The following INTS7 variants were observed in gnomAD, a reference collection of about 807,000 sequenced individuals.
The protein encoded by INTS7 is integrator complex subunit 7, also known as chromosome 1 open reading frame 73.
A neutral mutation model predicts 109.2 loss-of-function variants in INTS7; 46 were observed. That is an observed-to-expected ratio of 0.42 (90% CI 0.33 to 0.54). INTS7 has a LOEUF of 0.54. Ranked by LOEUF, INTS7 falls within the 20% of genes least tolerant of loss-of-function variation. The pLI, the probability that INTS7 is intolerant of heterozygous loss-of-function variation, is 0.07. For missense variants in INTS7, 929 were observed against 1,132.4 expected (o/e 0.82, Z 2.58); for synonymous variants, 412 against 402.9 (o/e 1.02, Z -0.27).
At chr1:212,034,541 G>T (rs902809046) in intron 1 of INTS7, among the ~76,000 whole-genome samples, 4 of 152,118 alleles carry the variant, frequency 2.6e-5, no homozygotes, top group Admixed American at 6.5e-5. Flanking sequence ...TGAAATAAAG[G>T]TTTCATATTA....
At chr1:211,985,580 T>C (rs1469837942) in intron 8 of INTS7, among the ~76,000 whole-genome samples, 2 of 152,354 alleles carry the variant, frequency 1.3e-5, no homozygotes, top group Middle Eastern at 3.4e-3. Context: ...ATAATGCTAA[T>C]ACATGTCTTT....
intron 8 of INTS7, among the ~76,000 whole-genome samples, chr1:211,986,206 G>A (rs894540283): frequency 1.3e-5 from 2 of 151,998 alleles, no homozygotes; most frequent in African/African-American, 4.8e-5. Context: ...TGCCTCAGCA[G>A]AAAGCCTTTC....
chr1:211,978,381 G>C lies in INTS7; in HGVS notation c.1361C>G (p.Ala454Gly), dbSNP rs1343653115. 9 of 1,614,164 alleles carry C rather than the reference G, an allele frequency of 5.6e-6. No homozygotes were observed. The highest frequency in any genetic ancestry group is 7.6e-6 in the Non-Finnish European group (9 of 1,180,036). ...AARILMCHCLAAIAMQLPVLG... is the reference protein window; with the variant it reads ...AARILMCHCLGAIAMQLPVLG... ...CACCGGCAGTTGCATGGCAATGGCT[G>C]CCAGGCAATGGCACATCAAAATCCG... The change falls in exon 11 of 20, where the codon GCA becomes GGA. Residue 454 changes from alanine to glycine, a missense_variant. This residue lies in a region of INTS7 where 787 missense variants were observed against 901.1 expected (regional missense o/e 0.87). Coordinates refer to ENST00000366994, the MANE Select transcript of INTS7 (RefSeq NM_015434.4).
At chr1:211,961,136 A>C (rs1663607069) in intron 16 of INTS7, among the ~76,000 whole-genome samples, 1 of 152,088 alleles carries the variant, frequency 6.6e-6, no homozygotes, top group South Asian at 2.1e-4. Flanking sequence ...AGATAGGGAG[A>C]ATGGAAGCAA....
At chr1:211,969,183 G>A (rs1571860415) in intron 13 of INTS7, among the ~76,000 whole-genome samples, 2 of 151,986 alleles carry the variant, frequency 1.3e-5, no homozygotes, top group East Asian at 3.9e-4. Flanking sequence ...TACTCGGGAG[G>A]CTGAGGCAGG....
chr1:211,985,240 GTTGTT>G (rs1195861935), intron 8 of INTS7, among the ~76,000 whole-genome samples: 8 of 152,132 alleles, frequency 5.3e-5, no homozygotes, highest in Non-Finnish European at 7.4e-5. Flanking sequence ...TATTTCAAGT[GTTGTT>G]TTAAGGTGCC....
chr1:212,032,734 T>C (rs1484891220), intron 1 of INTS7, among the ~76,000 whole-genome samples: 1 of 152,102 alleles, frequency 6.6e-6, no homozygotes, highest in Non-Finnish European at 1.5e-5. Flanking sequence ...CCGCCTCAGC[T>C]TCCCAAAGTG....
rs779157198 is a variant in INTS7 at position 212,007,337 on chromosome 1, T to A, written c.669A>T (p.Thr223=). The A allele has an allele frequency of 7.4e-6, 12 of 1,613,902 alleles. No homozygotes were observed. The highest frequency in any genetic ancestry group is 1.3e-5 in the African/African-American group (1 of 74,922). The change falls in exon 6 of 20, where the codon ACA becomes ACT. Residue 223 remains threonine, a synonymous_variant. Transcript: ENST00000366994. ...SARQLLQQLV[T]SYPSTKMVIV... The stretch of plus-strand genomic sequence containing the variant: ...TCACCATTTTGGTGGACGGATAGGA[T>A]GTGACCAGCTGTTGTAAAAGCTGAC...
chr1:211,993,970 A>C (rs1179518625), intron 7 of INTS7, among the ~76,000 whole-genome samples: 1 of 152,180 alleles, frequency 6.6e-6, no homozygotes, highest in Admixed American at 6.5e-5. Flanking sequence ...GAAAATTATA[A>C]TACTAACCAA....
intron 14 of INTS7, 40 bp from the exon 15 acceptor site, chr1:211,968,021 C>T (rs1558030998): frequency 9.0e-7 from 1 of 1,109,218 alleles, no homozygotes; most frequent in Non-Finnish European, 1.3e-6. Context: ...AACATGCTAT[C>T]ATTATTGTAT....
chr1:212,005,088 T>C (rs1665844759), intron 7 of INTS7, among the ~76,000 whole-genome samples: 1 of 152,166 alleles, frequency 6.6e-6, no homozygotes, highest in African/African-American at 2.4e-5. Flanking sequence ...AACAGAAGAA[T>C]GTTCTGCACT....
chr1:211,952,778 A>T, intron 16 of INTS7, 77 bp from the exon 17 acceptor site: 1 of 1,219,132 alleles, frequency 8.2e-7, no homozygotes. Flanking sequence ...AGGTACTTTC[A>T]ACATATTTTC....
At chr1:212,033,205 T>A (rs927981565) in intron 1 of INTS7, among the ~76,000 whole-genome samples, 2 of 151,940 alleles carry the variant, frequency 1.3e-5, no homozygotes, top group Non-Finnish European at 2.9e-5. Flanking sequence ...AAAAAAAGAG[T>A]TGGAACTTGT....
rs544003066 is a variant in INTS7, at chr1:212,019,036, G to A, written c.371+1086C>T. Among the ~76,000 whole-genome samples, 15 of 152,296 alleles carry A rather than the reference G, an allele frequency of 9.8e-5. No homozygotes were observed. In the East Asian group the frequency reaches 2.9e-3, roughly 29 times the overall value. ...AGGCCGAAGCGGGCAGATCACCTGA[G>A]GTCAGGAGTTCGAGACCAGCCTGGC... On this transcript the variant is annotated intron_variant, in intron 3 of 19. Coordinates refer to ENST00000366994, the MANE Select transcript of INTS7 (RefSeq NM_015434.4).
At position 211,941,962 on chromosome 1, in the gene INTS7, T is replaced by C. The variant is rs200000711; in HGVS notation, c.2751A>G (p.Val917=). 2.9e-5 allele frequency: 47 copies of C among 1,614,114 alleles called. No homozygotes were observed. The highest frequency in any genetic ancestry group is 3.9e-5 in the Non-Finnish European group (46 of 1,180,044). The change falls in exon 20 of 20, where the codon GTA becomes GTG. Residue 917 remains valine (V), a synonymous_variant. Coordinates refer to ENST00000366994, the MANE Select transcript of INTS7 (RefSeq NM_015434.4). ...TGGTAGTTCTGGGACCAGTCTTCCA[T>C]ACTATACCATTGGCATCTTTCACAG... ...ESSVKDANGI[V]WKTGPRTTIF...
intron 1 of INTS7, among the ~76,000 whole-genome samples, chr1:212,024,052 A>G (rs537890337): frequency 6.6e-6 from 1 of 152,108 alleles, no homozygotes; most frequent in Non-Finnish European, 1.5e-5. Flanking sequence ...TGGGTTCTCT[A>G]TTCTGCTGTC....
At chr1:211,945,019 T>C in intron 18 of INTS7, 50 bp from the exon 19 acceptor site, 6 of 1,572,020 alleles carry the variant, frequency 3.8e-6, no homozygotes, top group Non-Finnish European at 5.2e-6. Flanking sequence ...GCAAGCTTCC[T>C]TCCGACAAAC....
chr1:211,962,225 A>G (rs1303127665), intron 16 of INTS7, among the ~76,000 whole-genome samples: 1 of 150,652 alleles, frequency 6.6e-6, no homozygotes, highest in Non-Finnish European at 1.5e-5. Flanking sequence ...TTGCAATCCT[A>G]AATCAGACAA....
chr1:211,979,903 T>G (rs890538173), intron 10 of INTS7, among the ~76,000 whole-genome samples: 2 of 152,252 alleles, frequency 1.3e-5, no homozygotes, highest in African/African-American at 4.8e-5. Context: ...ACTGCACTTT[T>G]TTTGTGAAAT....
Sources: allele counts gnomAD v4.1 joint callset (sites outside exome capture counted in the v4.1 genomes callset), GRCh38; gene constraint gnomAD v4.1.1; regional missense constraint gnomAD v4.1.1; transcripts MANE v1.5; gene names NCBI Gene and HGNC (gene_info 2026-07-23, HGNC 2026-07-21).